RAPGEF4: variants seen among roughly 807,000 people sequenced by gnomAD.
RAPGEF4 encodes the protein Rap guanine nucleotide exchange factor 4.
In RAPGEF4, 66 loss-of-function variants were observed where a neutral mutation model predicts 147.9. That is an observed-to-expected ratio of 0.45 (90% CI 0.37 to 0.55). The LOEUF is 0.55. Among genes scored for constraint, RAPGEF4 ranks in the 20% least tolerant of loss-of-function variants. RAPGEF4 has a pLI of 0.00. For synonymous variants in RAPGEF4, 419 were observed against 442.7 expected (o/e 0.95, Z 0.67); for missense variants, 1,071 against 1,257.3 (o/e 0.85, Z 2.24).
chr2:172,773,833 A>G (rs1683891037), intron 1 of RAPGEF4, among the ~76,000 whole-genome samples: 1 of 152,224 alleles, frequency 6.6e-6, no homozygotes, highest in Non-Finnish European at 1.5e-5. Flanking sequence ...CTGATCACAT[A>G]ATCGTCATAT....
chr2:173,016,225 A>C, intron 18 of RAPGEF4, 124 bp from the exon 19 acceptor site: 2 of 668,128 alleles, frequency 3.0e-6, no homozygotes, highest in Non-Finnish European at 5.2e-6. Context: ...CCTCCAGTCC[A>C]TGAAGCCATG....
intron 4 of RAPGEF4, chr2:172,889,827 A>G (rs1246111522): frequency 4.1e-6 from 4 of 981,054 alleles, no homozygotes; most frequent in African/African-American, 1.8e-5. Flanking sequence ...CTCCTGGACC[A>G]TATGTGGCTT....
At chr2:172,837,690 C>T (rs1691117968) in intron 4 of RAPGEF4, among the ~76,000 whole-genome samples, 2 of 152,104 alleles carry the variant, frequency 1.3e-5, no homozygotes, top group African/African-American at 2.4e-5. Flanking sequence ...ACCTCAGCCT[C>T]CTGATTAGCT....
chr2:172,846,435 T>C (rs566256294), intron 4 of RAPGEF4, among the ~76,000 whole-genome samples: 1 of 152,354 alleles, frequency 6.6e-6, no homozygotes, highest in African/African-American at 2.4e-5. Context: ...TAAAAATTGC[T>C]GAATAGTATT....
intron 1 of RAPGEF4, among the ~76,000 whole-genome samples, chr2:172,768,740 T>C (rs1697082871): frequency 6.6e-6 from 1 of 152,230 alleles, no homozygotes; most frequent in Admixed American, 6.5e-5. Flanking sequence ...TTAAAATATC[T>C]GTGGCCTACT....
intron 4 of RAPGEF4, among the ~76,000 whole-genome samples, chr2:172,826,678 G>C (rs1012326281): frequency 1.3e-5 from 2 of 152,140 alleles, no homozygotes; most frequent in African/African-American, 2.4e-5. Context: ...TATTTAAAAA[G>C]TTATAAAGCT....
chr2:172,940,838 T>G (rs2105326498), intron 6 of RAPGEF4, among the ~76,000 whole-genome samples: 1 of 152,284 alleles, frequency 6.6e-6, no homozygotes, highest in South Asian at 2.1e-4. Context: ...TTAACAGTAT[T>G]GAGTCTGATA....
chr2:172,787,898 G>A (rs1402836612), intron 1 of RAPGEF4, among the ~76,000 whole-genome samples: 1 of 152,160 alleles, frequency 6.6e-6, no homozygotes, highest in Non-Finnish European at 1.5e-5. Context: ...GGAATTACAG[G>A]TGTGAGCCAC....
In RAPGEF4 at chr2:172,935,316, C is replaced by A. The variant is rs184371657; in HGVS notation, c.537+13016C>A. Among the ~76,000 whole-genome samples, 5 of 152,284 alleles carry A rather than the reference C, an allele frequency of 3.3e-5. No individual in the cohort carries two copies. In the East Asian group the frequency reaches 5.8e-4, roughly 18 times the overall value. On this transcript the variant is annotated intron_variant, in intron 6 of 30. Transcript: ENST00000397081. The stretch of plus-strand genomic sequence containing the variant: ...CCAACAACTCCTGGTTCCTCCCCAG[C>A]AGCCACAATGAGGGAGCATAGGGGA...
At chr2:172,974,226 A>G (rs1446980) in intron 10 of RAPGEF4, among the ~76,000 whole-genome samples, 146,554 of 152,296 alleles carry the variant, frequency 0.96, 70,769 homozygotes, top group Middle Eastern at 1. Flanking sequence ...TATCCACAAA[A>G]CACTAGACTC....
chr2:172,838,124 C>T lies in RAPGEF4; in HGVS notation c.444+23699C>T, dbSNP rs74949629. 1.0e-3 allele frequency among the ~76,000 whole-genome samples: 158 copies of T among 151,538 alleles called. 2 individuals carry two copies. Among genetic ancestry groups the T allele is most frequent in the Middle Eastern group, 6.8e-3 (2 of 294 alleles). On this transcript the variant is annotated intron_variant, in intron 4 of 30. Transcript: ENST00000397081. ...AAAGAGTACCAGAAGGCTAAGGCTACTGTTCTCACTTTAGTCTCTCACATT... is the reference window on the plus strand; with the variant it reads ...AAAGAGTACCAGAAGGCTAAGGCTATTGTTCTCACTTTAGTCTCTCACATT...
Position 172,965,607 on chromosome 2 carries a change from G to T in RAPGEF4, c.744G>T (p.Gln248His), listed in dbSNP as rs1458521026. ...GTELVDWMMQ[Q>H]TPCVHSRTQA... Reference sequence around the variant, plus strand: ...AACTGGTGGACTGGATGATGCAGCAGACACCATGTGTTCACTCCCGGACTC... The same window carrying T: ...AACTGGTGGACTGGATGATGCAGCATACACCATGTGTTCACTCCCGGACTC... The change falls in exon 9 of 31, where the codon CAG (glutamine) becomes CAT (histidine). Residue 248 changes from glutamine (Q) to histidine (H), a missense_variant. Coordinates refer to ENST00000397081, the MANE Select transcript of RAPGEF4 (RefSeq NM_007023.4). The T allele has an allele frequency of 4.3e-6, 7 of 1,613,662 alleles. No homozygotes were observed. Among genetic ancestry groups the T allele is most frequent in the Non-Finnish European group, 5.9e-6 (7 of 1,179,688 alleles).
At position 172,960,959 on chromosome 2, in the gene RAPGEF4, T is replaced by C. The variant is rs1369763239; in HGVS notation, c.591+146T>C. The C allele has an allele frequency of 3.5e-6, 3 of 867,042 alleles. No homozygotes were observed. The African/African-American group carries it at 5.1e-5, about 15-fold the overall frequency. The allele number at this position is 867,042 out of a possible 1,614,324, so 53.7% of individuals were successfully genotyped here. A position where few individuals can be genotyped will look rare whatever the true frequency, so the allele number is the denominator to read the frequency against. On this transcript the variant is annotated intron_variant, in intron 7 of 30. Transcript: ENST00000397081. ...ATATTCAGTGTTTCAGTTCTCAACA[T>C]AAACCAGTGACATATCACACAAGTG...
At chr2:172,965,019 G>A (rs1327453061) in intron 8 of RAPGEF4, 1 of 153,466 alleles carries the variant, frequency 6.5e-6, no homozygotes, top group Non-Finnish European at 1.4e-5. Flanking sequence ...GATTTGCATT[G>A]CTAATTGCTT....
At chr2:172,759,522 A>G (rs1696093691) in intron 1 of RAPGEF4, among the ~76,000 whole-genome samples, 1 of 152,202 alleles carries the variant, frequency 6.6e-6, no homozygotes, top group Admixed American at 6.5e-5. Context: ...AACAGCAAGG[A>G]AGCAAATGAT....
chr2:172,904,711 T>C (rs761332733), intron 4 of RAPGEF4, among the ~76,000 whole-genome samples: 36 of 152,116 alleles, frequency 2.4e-4, no homozygotes, highest in South Asian at 6.3e-4. Context: ...TCTTTAATTT[T>C]CTCTACCCGA....
chr2:172,980,851 C>G (rs1057397435), intron 10 of RAPGEF4, among the ~76,000 whole-genome samples: 3 of 152,146 alleles, frequency 2.0e-5, no homozygotes, highest in Admixed American at 6.5e-5. Flanking sequence ...GGGTCTCACT[C>G]TGTTGCCCAG....
intron 3 of RAPGEF4, among the ~76,000 whole-genome samples, chr2:172,806,669 T>C (rs1488339768): frequency 1.3e-5 from 2 of 151,590 alleles, no homozygotes; most frequent in East Asian, 3.8e-4. Flanking sequence ...AGTTTAACAA[T>C]GTTGTTCAGC....
intron 6 of RAPGEF4, among the ~76,000 whole-genome samples, chr2:172,937,215 T>A (rs1294021673): frequency 6.6e-6 from 1 of 151,924 alleles, no homozygotes; most frequent in Non-Finnish European, 1.5e-5. Flanking sequence ...AGCAAGACCC[T>A]GTCTCTTAAA....
Sources: gnomAD v4.1 joint callset for allele counts (sites outside exome capture counted in the v4.1 genomes callset) on GRCh38, gnomAD v4.1.1 for gene constraint, MANE v1.5 for transcripts, NCBI Gene and HGNC (gene_info 2026-07-23, HGNC 2026-07-21) for gene names.